PRKN: variants seen among roughly 807,000 people sequenced by gnomAD.
The protein encoded by PRKN is E3 ubiquitin-protein ligase parkin.
Under a neutral mutation model 59.5 loss-of-function variants are expected in PRKN, and 56 were observed. The ratio of observed to expected loss-of-function variants is 0.94; its 90% CI spans 0.76 to 1.18. PRKN has a LOEUF of 1.18. PRKN is among the 50% of genes most tolerant of loss of function. The pLI is 0.00. For synonymous variants in PRKN, 250 were observed against 222.1 expected (o/e 1.13, Z -1.12); for missense variants, 657 against 596.4 (o/e 1.10, Z -1.06).
At chr6:162,422,519 C>T (rs1221878516) in intron 2 of PRKN, among the ~76,000 whole-genome samples, 2 of 152,202 alleles carry the variant, frequency 1.3e-5, no homozygotes, top group Admixed American at 1.3e-4. Context: ...GGTTTGACTG[C>T]ACATCCCAAT....
intron 6 of PRKN, among the ~76,000 whole-genome samples, chr6:161,967,806 G>T (rs1055497128): frequency 1.3e-5 from 2 of 152,132 alleles, no homozygotes; most frequent in African/African-American, 4.8e-5. Context: ...CTTAAAAGGG[G>T]GAGGCAATGA....
At position 162,286,662 on chromosome 6, in the gene PRKN, T is replaced by C. The variant is rs1006013743; in HGVS notation, c.172-23897A>G. Among the ~76,000 whole-genome samples the C allele has an allele frequency of 4.6e-5, 7 of 152,214 alleles. 1 individual carries two copies. Among genetic ancestry groups the C allele is most frequent in the African/African-American group, 1.7e-4 (7 of 41,472 alleles). On this transcript the variant is annotated intron_variant, in intron 2 of 11. Transcript: ENST00000366898. ...GCTATGACAATATCGAGTTCTTCTTTGAGAAAGACCATGATAAGGCATTCA... is the reference window on the plus strand; with the variant it reads ...GCTATGACAATATCGAGTTCTTCTTCGAGAAAGACCATGATAAGGCATTCA...
chr6:161,569,564 C>T (rs751065962), intron 7 of PRKN, 148 bp from the exon 8 acceptor site: 3 of 707,978 alleles, frequency 4.2e-6, no homozygotes, highest in South Asian at 1.5e-5. Context: ...TAACCAACCA[C>T]AAAAAAAGCC....
chr6:162,314,882 T>C (rs978577752), intron 2 of PRKN, among the ~76,000 whole-genome samples: 5 of 152,136 alleles, frequency 3.3e-5, no homozygotes, highest in Admixed American at 6.6e-5. Context: ...AAAATCTGTA[T>C]GCGTTTCACA....
rs6929003 is a variant in PRKN, at chr6:161,451,785, G to C, written c.1084-64908C>G. On this transcript the variant is annotated intron_variant, in intron 9 of 11. Coordinates refer to ENST00000366898, the MANE Select transcript of PRKN (RefSeq NM_004562.3). The surrounding 1 kb of genome is among the most constrained non-coding windows in gnomAD (Gnocchi z 5.9). ...CCATGAGTGAAACTTAGAGAATTAG[G>C]GGACTGCTTTGGTCTTGGCAGATTT... is the stretch of plus-strand genomic sequence containing the variant. Among the ~76,000 whole-genome samples, 1,934 of 152,222 alleles carry C rather than the reference G, an allele frequency of 0.013. 47 individuals are homozygous for C. Among genetic ancestry groups the C allele is most frequent in the African/African-American group, 0.043 (1,799 of 41,530 alleles).
intron 6 of PRKN, among the ~76,000 whole-genome samples, chr6:161,973,057 C>G (rs1247517899): frequency 2.0e-5 from 3 of 152,216 alleles, no homozygotes; most frequent in Non-Finnish European, 2.9e-5. Context: ...CATCTCCCAT[C>G]TTAGGACCCT....
At chr6:162,015,235 G>A (rs7746052) in intron 5 of PRKN, among the ~76,000 whole-genome samples, 33,285 of 152,032 alleles carry the variant, frequency 0.22, 3,969 homozygotes, top group African/African-American at 0.32. Flanking sequence ...GTGGAGAAAA[G>A]GAACTCACAC....
intron 3 of PRKN, among the ~76,000 whole-genome samples, chr6:162,214,617 T>C (rs1183167754): frequency 6.6e-6 from 1 of 152,238 alleles, no homozygotes; most frequent in Non-Finnish European, 1.5e-5. Flanking sequence ...AAGTTACCTG[T>C]ATATTTGCAG....
chr6:162,544,324 A>G (rs1261215800), intron 1 of PRKN, among the ~76,000 whole-genome samples: 1 of 152,154 alleles, frequency 6.6e-6, no homozygotes, highest in Non-Finnish European at 1.5e-5. Flanking sequence ...TGGCTGCAAA[A>G]TCATGTTACA....
intron 7 of PRKN, among the ~76,000 whole-genome samples, chr6:161,767,410 AG>A (rs1336268873): frequency 3.3e-5 from 5 of 151,982 alleles, no homozygotes; most frequent in Non-Finnish European, 7.4e-5. Flanking sequence ...CCAGCTACTC[AG>A]GAGGCTGAAG....
chr6:161,466,170 A>G lies in PRKN; in HGVS notation c.1084-79293T>C, dbSNP rs1265597528. On this transcript the variant is annotated intron_variant, in intron 9 of 11. Transcript: ENST00000366898. This position sits in a 1 kb window ranked among gnomAD's most constrained non-coding sequence, Gnocchi z 5.0. ...ATTAACTCTAGTCACCATGCTGTACATTAGATCCCCCTGTGTTTCTATTTG... is the reference window on the plus strand; with the variant it reads ...ATTAACTCTAGTCACCATGCTGTACGTTAGATCCCCCTGTGTTTCTATTTG... Among the ~76,000 whole-genome samples the G allele has an allele frequency of 6.6e-6, 1 of 152,154 alleles. No individual in the cohort carries two copies. The highest frequency in any genetic ancestry group is 1.5e-5 in the Non-Finnish European group (1 of 68,028).
chr6:161,679,559 T>C (rs1015206489), intron 7 of PRKN, among the ~76,000 whole-genome samples: 15 of 141,768 alleles, frequency 1.1e-4, no homozygotes, highest in African/African-American at 3.0e-4. Context: ...TTCAAGTCTT[T>C]TTTTTTTTTT....
At chr6:162,303,078 G>A (rs748203711) in intron 2 of PRKN, among the ~76,000 whole-genome samples, 2 of 151,206 alleles carry the variant, frequency 1.3e-5, no homozygotes, top group Non-Finnish European at 2.9e-5. Context: ...CATAAAACTA[G>A]TTACTCATAT....
chr6:162,093,886 A>T (rs1373530821), intron 4 of PRKN, among the ~76,000 whole-genome samples: 4 of 152,216 alleles, frequency 2.6e-5, no homozygotes, highest in African/African-American at 9.6e-5. Context: ...ATGCAGACTC[A>T]GAATAGATGT....
Position 162,478,390 on chromosome 6 carries a change from T to C in PRKN, c.8-34917A>G, listed in dbSNP as rs528251259. 3.9e-5 allele frequency among the ~76,000 whole-genome samples: 6 copies of C among 152,214 alleles called. No individual in the cohort carries two copies. The South Asian group carries it at 1.0e-3, about 26-fold the overall frequency. ...GAACAACAAGTCCACAGAAGTCACATGTCTGTTCATTAAACGCACAGGAAG... is the reference window on the plus strand; with the variant it reads ...GAACAACAAGTCCACAGAAGTCACACGTCTGTTCATTAAACGCACAGGAAG... On this transcript the variant is annotated intron_variant, in intron 1 of 11. Transcript: ENST00000366898.
intron 2 of PRKN, among the ~76,000 whole-genome samples, chr6:162,269,283 C>T (rs979489874): frequency 3.3e-5 from 5 of 152,164 alleles, no homozygotes; most frequent in Admixed American, 6.5e-5. Flanking sequence ...TCTGTAGTAC[C>T]TACTGTAGGG....
In PRKN at chr6:162,397,003, A is replaced by G. The variant is rs558620056; in HGVS notation, c.171+46307T>C. Among the ~76,000 whole-genome samples the G allele has an allele frequency of 3.3e-5, 5 of 152,226 alleles. No homozygotes were observed. In the South Asian group the frequency reaches 1.0e-3, roughly 32 times the overall value. ...ATCCACCTGTTTAGTTCCCATGGCC[A>G]TAGTGGTGTTGGAGATAGTATGCAA... On this transcript the variant is annotated intron_variant, in intron 2 of 11. Coordinates refer to ENST00000366898, the MANE Select transcript of PRKN (RefSeq NM_004562.3).
intron 6 of PRKN, among the ~76,000 whole-genome samples, chr6:161,804,331 G>GGCAGGTGCTCAGATGCT (rs1791217859): frequency 6.6e-6 from 1 of 152,156 alleles, no homozygotes; most frequent in Admixed American, 6.5e-5. Context: ...GACACTGATA[G>GGCAGGTGCTCAGATGCT]GCAGGTGCTC....
Position 162,183,198 on chromosome 6 carries a change from C to T in PRKN, c.534+17933G>A, listed in dbSNP as rs1260588733. On this transcript the variant is annotated intron_variant, in intron 4 of 11. Transcript: ENST00000366898. ...GTGTTCTCACATTGAGAACCACATG[C>T]ATTGGAAGGTGGCTGCTATTCAGAT... is the stretch of plus-strand genomic sequence containing the variant. 2.0e-5 allele frequency among the ~76,000 whole-genome samples: 3 copies of T among 152,180 alleles called. No homozygotes were observed. The East Asian group carries it at 5.8e-4, about 29-fold the overall frequency.
Sources: gnomAD v4.1 joint callset for allele counts (sites outside exome capture counted in the v4.1 genomes callset) on GRCh38, gnomAD v4.1.1 for gene constraint, Gnocchi (gnomAD v3.1) non-coding constraint, MANE v1.5 for transcripts, NCBI Gene and HGNC (gene_info 2026-07-23, HGNC 2026-07-21) for gene names.